The following CA10 variants were observed in gnomAD, a reference collection of about 807,000 sequenced individuals.
The protein encoded by CA10 is carbonic anhydrase-related protein 10.
CA10 carries 14 observed loss-of-function variants against 44.2 expected under a neutral mutation model. That is an observed-to-expected ratio of 0.32 (90% CI 0.21 to 0.50). The LOEUF (loss-of-function observed/expected upper bound fraction) is 0.50. CA10 is among the 20% of genes least tolerant of loss of function. The pLI is 0.99. For synonymous variants in CA10, 159 were observed against 141.6 expected (o/e 1.12, Z -0.87); for missense variants, 350 against 409.7 (o/e 0.85, Z 1.26).
At chr17:51,763,221 T>C (rs1480847734) in intron 3 of CA10, 1 of 152,236 alleles carries the variant, frequency 6.6e-6, no homozygotes, top group Non-Finnish European at 1.5e-5. Flanking sequence ...AAAGCAATGG[T>C]TACATCAGCC....
intron 3 of CA10, among the ~76,000 whole-genome samples, chr17:51,912,517 C>T (rs1202612438): frequency 6.6e-6 from 1 of 152,164 alleles, no homozygotes; most frequent in Admixed American, 6.6e-5. Flanking sequence ...AACTTGCCTG[C>T]CATTTCTCTT....
At chr17:52,127,589 T>G (rs2143337482) in intron 1 of CA10, among the ~76,000 whole-genome samples, 1 of 152,278 alleles carries the variant, frequency 6.6e-6, no homozygotes, top group East Asian at 1.9e-4. Context: ...CTCTGTGGTA[T>G]TCTAGGGAGG....
intron 2 of CA10, among the ~76,000 whole-genome samples, chr17:51,994,509 A>G (rs980405259): frequency 7.9e-5 from 12 of 152,070 alleles, no homozygotes; most frequent in Non-Finnish European, 7.4e-5. Context: ...ATGAAATGAG[A>G]TTGGTCTGTC....
chr17:52,145,576 A>T (rs1989565688), intron 1 of CA10, among the ~76,000 whole-genome samples: 1 of 152,222 alleles, frequency 6.6e-6, no homozygotes, highest in South Asian at 2.1e-4. Context: ...AATACTTAAG[A>T]AGGCTTAAAA....
chr17:51,875,473 T>C (rs1187416280), intron 3 of CA10, among the ~76,000 whole-genome samples: 1 of 152,196 alleles, frequency 6.6e-6, no homozygotes, highest in Non-Finnish European at 1.5e-5. Flanking sequence ...ATTTAAGCTC[T>C]GTTTACAGCT....
intron 3 of CA10, among the ~76,000 whole-genome samples, chr17:51,806,585 T>C (rs1907147983): frequency 6.6e-6 from 1 of 152,222 alleles, no homozygotes; most frequent in African/African-American, 2.4e-5. Flanking sequence ...CTTGGCACTA[T>C]GCCTGGTACA....
rs113134835 is a variant in CA10 at position 51,712,959 on chromosome 17, T to C, written c.465+34674A>G. 2.2e-3 allele frequency among the ~76,000 whole-genome samples: 340 copies of C among 152,342 alleles called. 3 individuals carry two copies. Among genetic ancestry groups the C allele is most frequent in the African/African-American group, 6.6e-3 (276 of 41,582 alleles). ...CTGCAAGAACTCTGTGACTTGGTGT[T>C]CCCACTGTCTGATTATCTGTTGTGT... On this transcript the variant is annotated intron_variant, in intron 4 of 8. Transcript: ENST00000451037.
chr17:51,861,014 C>T (rs1000734702), intron 3 of CA10, among the ~76,000 whole-genome samples: 1 of 152,300 alleles, frequency 6.6e-6, no homozygotes, highest in Non-Finnish European at 1.5e-5. Flanking sequence ...CCTTCCATGC[C>T]ATTTATGAAG....
chr17:51,957,634 T>C (rs919415935), intron 2 of CA10, among the ~76,000 whole-genome samples: 1 of 152,162 alleles, frequency 6.6e-6, no homozygotes, highest in African/African-American at 2.4e-5. Flanking sequence ...CTGGTTTTCA[T>C]AGTTTGGCCA....
chr17:51,737,839 A>C (rs1195817146), intron 4 of CA10, among the ~76,000 whole-genome samples: 1 of 152,128 alleles, frequency 6.6e-6, no homozygotes, highest in Non-Finnish European at 1.5e-5. Flanking sequence ...ATGAATAATC[A>C]TGACAGTAAC....
intron 1 of CA10, among the ~76,000 whole-genome samples, chr17:52,150,044 T>A (rs1324451615): frequency 6.6e-6 from 1 of 152,188 alleles, no homozygotes; most frequent in Non-Finnish European, 1.5e-5. Context: ...ACCTCATCCA[T>A]CACACTACAC....
chr17:52,152,648 A>C (rs1263418727), intron 1 of CA10, among the ~76,000 whole-genome samples: 2 of 152,122 alleles, frequency 1.3e-5, no homozygotes, highest in Non-Finnish European at 2.9e-5. Flanking sequence ...TATCTTAACA[A>C]ATAAACATTA....
chr17:51,753,302 AG>A (rs1904955951), intron 3 of CA10, among the ~76,000 whole-genome samples: 1 of 152,230 alleles, frequency 6.6e-6, no homozygotes. Context: ...TCTTTTGCAA[AG>A]CAAAAATTGT....
Position 51,657,753 on chromosome 17 carries a change from G to T in CA10, c.466-4017C>A, listed in dbSNP as rs78132509. Among the ~76,000 whole-genome samples the T allele has an allele frequency of 9.4e-4, 143 of 152,342 alleles. 1 individual carries two copies. The highest frequency in any genetic ancestry group is 3.3e-3 in the African/African-American group (139 of 41,584). ...CTTATGCAGAGTAATCACAGTGTCTGATGTGAAACAGATGATCAATAAGTG... is the reference window on the plus strand; with the variant it reads ...CTTATGCAGAGTAATCACAGTGTCTTATGTGAAACAGATGATCAATAAGTG... On this transcript the variant is annotated intron_variant, in intron 4 of 8. Coordinates refer to ENST00000451037, the MANE Select transcript of CA10 (RefSeq NM_020178.5).
intron 3 of CA10, among the ~76,000 whole-genome samples, chr17:51,878,763 A>T (rs890074889): frequency 2.3e-4 from 34 of 146,844 alleles, no homozygotes; most frequent in African/African-American, 7.0e-4. Flanking sequence ...TTTCAAGCTT[A>T]TAACTATTCA....
At chr17:51,805,993 C>T (rs532042464) in intron 3 of CA10, among the ~76,000 whole-genome samples, 1 of 152,140 alleles carries the variant, frequency 6.6e-6, no homozygotes, top group Non-Finnish European at 1.5e-5. Flanking sequence ...AAGGCTAGGG[C>T]TTGGAGGAAG....
intron 3 of CA10, among the ~76,000 whole-genome samples, chr17:51,893,267 T>C (rs1980936929): frequency 6.6e-6 from 1 of 152,150 alleles, no homozygotes; most frequent in Non-Finnish European, 1.5e-5. Flanking sequence ...TGTACGGATG[T>C]TGGAAAAATC....
At chr17:51,650,932 T>C (rs1359376762) in intron 5 of CA10, among the ~76,000 whole-genome samples, 1 of 152,186 alleles carries the variant, frequency 6.6e-6, no homozygotes, top group Non-Finnish European at 1.5e-5. Context: ...ATAAGTGAGC[T>C]TAAGTGGGAA....
At chr17:51,731,529 G>A (rs534898229) in intron 4 of CA10, among the ~76,000 whole-genome samples, 4 of 151,880 alleles carry the variant, frequency 2.6e-5, no homozygotes, top group Non-Finnish European at 4.4e-5. Flanking sequence ...CTTTGGTGGT[G>A]GGGGGAGTCC....
Sources: gnomAD v4.1 joint callset for allele counts (sites outside exome capture counted in the v4.1 genomes callset) on GRCh38, gnomAD v4.1.1 for gene constraint, MANE v1.5 for transcripts, NCBI Gene and HGNC (gene_info 2026-07-23, HGNC 2026-07-21) for gene names.